Variants in NKAIN3 observed in about 807,000 individuals in gnomAD.
The protein encoded by NKAIN3 is sodium/potassium transporting ATPase interacting 3.
Under a neutral mutation model 30.2 loss-of-function variants are expected in NKAIN3, and 25 were observed. The ratio of observed to expected loss-of-function variants is 0.83; its 90% CI spans 0.60 to 1.16. The LOEUF is 1.16. Among genes scored for constraint, NKAIN3 ranks in the 50% most tolerant of loss-of-function variants. The pLI, the probability that NKAIN3 is intolerant of heterozygous loss-of-function variation, is 0.00. For missense variants in NKAIN3, 225 were observed against 254.1 expected, an observed-to-expected ratio of 0.89 and a Z score of 0.78; for synonymous variants, 91 against 89.6, an observed-to-expected ratio of 1.02 and a Z score of -0.09.
At position 62,579,503 on chromosome 8, in the gene NKAIN3, G is replaced by T. The variant is rs367688613; in HGVS notation, c.55-36G>T. On this transcript the variant is annotated intron_variant, in intron 1 of 6. Coordinates refer to ENST00000623646, the MANE Select transcript of NKAIN3 (RefSeq NM_001304533.3). Reference sequence around the variant, plus strand: ...GATTAAAATAGTATGATGATGCTTGGATTCAATGCTAATGAACTTTCTTTT... The same window carrying T: ...GATTAAAATAGTATGATGATGCTTGTATTCAATGCTAATGAACTTTCTTTT... 70 of 1,538,400 alleles carry T rather than the reference G, an allele frequency of 4.6e-5. 1 individual carries two copies. The East Asian group carries it at 4.9e-4, about 11-fold the overall frequency.
chr8:62,870,816 G>T (rs1239067206), intron 4 of NKAIN3, among the ~76,000 whole-genome samples: 3 of 149,526 alleles, frequency 2.0e-5, no homozygotes, highest in Non-Finnish European at 3.0e-5. Flanking sequence ...GAATGCCCTG[G>T]TTAATATAAG....
chr8:62,991,888 G>C (rs957462437), intron 5 of NKAIN3, among the ~76,000 whole-genome samples: 12 of 152,144 alleles, frequency 7.9e-5, no homozygotes, highest in African/African-American at 2.9e-4. Flanking sequence ...TTGAGTTGCA[G>C]GCATTGGTAC....
At chr8:62,812,707 C>A (rs1818529475) in intron 4 of NKAIN3, among the ~76,000 whole-genome samples, 1 of 151,562 alleles carries the variant, frequency 6.6e-6, no homozygotes, top group South Asian at 2.1e-4. Context: ...CTTTTTACTA[C>A]ACTCAATTTT....
At chr8:62,314,244 G>C (rs1814541099) in intron 1 of NKAIN3, among the ~76,000 whole-genome samples, 1 of 152,016 alleles carries the variant, frequency 6.6e-6, no homozygotes, top group Non-Finnish European at 1.5e-5. Flanking sequence ...GCAAATTTTA[G>C]CTCTTTTAAC....
At chr8:62,396,311 C>T (rs1323713036) in intron 1 of NKAIN3, among the ~76,000 whole-genome samples, 3 of 152,124 alleles carry the variant, frequency 2.0e-5, no homozygotes, top group Non-Finnish European at 4.4e-5. Context: ...AGAGAAGTCC[C>T]CTCAAAAGCC....
At chr8:62,371,066 T>G (rs1816892992) in intron 1 of NKAIN3, among the ~76,000 whole-genome samples, 1 of 151,980 alleles carries the variant, frequency 6.6e-6, no homozygotes, top group Non-Finnish European at 1.5e-5. Context: ...TGCTTTATTT[T>G]ATTAATGATT....
At chr8:62,696,257 G>A (rs1223865064) in intron 3 of NKAIN3, among the ~76,000 whole-genome samples, 1 of 152,018 alleles carries the variant, frequency 6.6e-6, no homozygotes, top group African/African-American at 2.4e-5. Flanking sequence ...TTCCTTATAG[G>A]TCATTCATTG....
chr8:62,784,797 A>T (rs1314031207), intron 4 of NKAIN3, among the ~76,000 whole-genome samples: 2 of 152,150 alleles, frequency 1.3e-5, no homozygotes, highest in Non-Finnish European at 2.9e-5. Flanking sequence ...CCACAAAAAG[A>T]CGTCACAAAA....
At chr8:62,927,585 A>G (rs28387373) in intron 5 of NKAIN3, among the ~76,000 whole-genome samples, 13,701 of 152,150 alleles carry the variant, frequency 0.09, 644 homozygotes, top group South Asian at 0.15. Flanking sequence ...AAATTATCAC[A>G]TGTGCCCCCA....
At chr8:62,521,604 A>G (rs941050153) in intron 1 of NKAIN3, among the ~76,000 whole-genome samples, 4 of 152,162 alleles carry the variant, frequency 2.6e-5, no homozygotes, top group African/African-American at 7.2e-5. Context: ...TCCCACTGGC[A>G]AATAATCTTG....
Position 62,249,168 on chromosome 8 carries a change from C to T in NKAIN3, c.54+41C>T, listed in dbSNP as rs181957798. The stretch of plus-strand genomic sequence containing the variant: ...GCCCCTGCCCCAGGACAGGTCCCTG[C>T]TCCAGGACCGGCCTCTGCGACTCCC... On this transcript the variant is annotated intron_variant, in intron 1 of 6. Transcript: ENST00000623646. 8.8e-5 allele frequency: 131 copies of T among 1,481,094 alleles called. No homozygotes were observed. In the African/African-American group the frequency reaches 9.8e-4, roughly 11 times the overall value. The allele number at this position is 1,481,094 out of a possible 1,614,324, so 91.7% of individuals were successfully genotyped here.
intron 4 of NKAIN3, among the ~76,000 whole-genome samples, chr8:62,759,195 A>G (rs949289320): frequency 2.0e-5 from 3 of 152,196 alleles, no homozygotes; most frequent in Admixed American, 1.3e-4. Context: ...CTTATTTAAT[A>G]TGATACCTTA....
At chr8:62,749,382 C>T (rs1030765055) in intron 4 of NKAIN3, among the ~76,000 whole-genome samples, 1 of 152,180 alleles carries the variant, frequency 6.6e-6, no homozygotes, top group South Asian at 2.1e-4. Flanking sequence ...ATGAATTTCT[C>T]CACGTGTTAT....
chr8:62,969,482 C>T lies in NKAIN3; in HGVS notation c.*4075C>T, dbSNP rs548490244. Among the ~76,000 whole-genome samples the T allele has an allele frequency of 1.3e-4, 20 of 152,262 alleles. 1 individual carries two copies. Among genetic ancestry groups the T allele is most frequent in the South Asian group, 2.1e-4 (1 of 4,816 alleles). The stretch of plus-strand genomic sequence containing the variant: ...CTTCATTTCATACCTAATTTTAAAA[C>T]GAATTGTGTCCCCAAATATGGTCTA... On this transcript the variant is annotated 3_prime_UTR_variant, in exon 7 of 7. Transcript: ENST00000623646.
intron 4 of NKAIN3, among the ~76,000 whole-genome samples, chr8:62,860,713 T>A (rs1820214232): frequency 6.6e-6 from 1 of 152,218 alleles, no homozygotes; most frequent in Non-Finnish European, 1.5e-5. Context: ...TTCTATCTGA[T>A]GCAGATTGGT....
chr8:62,433,974 G>C (rs1267041375), intron 1 of NKAIN3, among the ~76,000 whole-genome samples: 1 of 152,042 alleles, frequency 6.6e-6, no homozygotes, highest in Non-Finnish European at 1.5e-5. Context: ...CATTCACTAA[G>C]AGCAGCAGTC....
intron 3 of NKAIN3, among the ~76,000 whole-genome samples, chr8:62,602,228 A>G (rs998610493): frequency 2.2e-4 from 34 of 152,184 alleles, no homozygotes; most frequent in African/African-American, 8.2e-4. Context: ...GTAGATGAAT[A>G]TATTATTCTA....
downstream of NKAIN3, among the ~76,000 whole-genome samples, chr8:62,989,522 A>C (rs533709051): frequency 3.3e-5 from 5 of 152,174 alleles, no homozygotes; most frequent in East Asian, 7.8e-4. Flanking sequence ...CAAGATCAGC[A>C]CATGAAAGAC....
At chr8:62,443,549 A>C (rs144513492) in intron 1 of NKAIN3, among the ~76,000 whole-genome samples, 1 of 151,568 alleles carries the variant, frequency 6.6e-6, no homozygotes, top group African/African-American at 2.4e-5. Context: ...ATGCCAGGCT[A>C]ATTTTATATT....
Sources: allele counts gnomAD v4.1 joint callset (sites outside exome capture counted in the v4.1 genomes callset), GRCh38; gene constraint gnomAD v4.1.1; transcripts MANE v1.5; gene names NCBI Gene and HGNC (gene_info 2026-07-23, HGNC 2026-07-21).